PRKG2: variants seen among roughly 807,000 people sequenced by gnomAD.
The protein encoded by PRKG2 is protein kinase cGMP-dependent 2.
Under a neutral mutation model 97.2 loss-of-function variants are expected in PRKG2, and 33 were observed. The ratio of observed to expected loss-of-function variants is 0.34; its 90% CI spans 0.26 to 0.45. The LOEUF is 0.45. Among genes scored for constraint, PRKG2 ranks in the 20% least tolerant of loss-of-function variants. PRKG2 has a pLI of 1.00. For synonymous variants in PRKG2, 330 were observed against 321.8 expected (o/e 1.03, Z -0.27); for missense variants, 638 against 900.0 (o/e 0.71, Z 3.73).
At chr4:81,167,343 C>A (rs1446646013) in intron 5 of PRKG2, 119 bp from the exon 6 acceptor site, 6 of 578,162 alleles carry the variant, frequency 1.0e-5, no homozygotes, top group Non-Finnish European at 1.4e-5. Flanking sequence ...TTGATTCTTC[C>A]AAAGTAAATG....
At chr4:81,197,271 A>G (rs559647163) in intron 2 of PRKG2, among the ~76,000 whole-genome samples, 10 of 151,564 alleles carry the variant, frequency 6.6e-5, no homozygotes, top group African/African-American at 2.4e-4. Flanking sequence ...TTGAGAAAAG[A>G]AAAAAAAAGG....
intron 15 of PRKG2, among the ~76,000 whole-genome samples, chr4:81,107,125 A>AAG (rs1395555996): frequency 6.6e-6 from 1 of 152,222 alleles, no homozygotes; most frequent in African/African-American, 2.4e-5. Context: ...GCCTTGTTGC[A>AAG]GTTATTTCCT....
At chr4:81,156,029 C>T (rs1749058530) in intron 6 of PRKG2, among the ~76,000 whole-genome samples, 1 of 151,652 alleles carries the variant, frequency 6.6e-6, no homozygotes, top group Non-Finnish European at 1.5e-5. Context: ...AACTAACGAG[C>T]AAAATAACCA....
chr4:81,188,203 G>T (rs2110107085), intron 2 of PRKG2, among the ~76,000 whole-genome samples: 1 of 151,772 alleles, frequency 6.6e-6, no homozygotes, highest in South Asian at 2.1e-4. Flanking sequence ...CCATCAAACA[G>T]TGGGTGAAGG....
At position 81,089,426 on chromosome 4, in the gene PRKG2, TTTAACA is replaced by T. The variant is rs1741329811; in HGVS notation, c.*276_*281del. ...AATAGATTGCAGAAAAAACTGCCAC[TTTAACA>T]AAAATGGCTCTGATTGTGGAAAGGA... is the stretch of plus-strand genomic sequence containing the variant. On this transcript the variant is annotated 3_prime_UTR_variant, in exon 19 of 19. Coordinates refer to ENST00000264399, the MANE Select transcript of PRKG2 (RefSeq NM_006259.3). 2 of 290,986 alleles carry T rather than the reference TTTAACA, an allele frequency of 6.9e-6. No homozygotes were observed. The highest frequency in any genetic ancestry group is 2.2e-5 in the African/African-American group (1 of 45,976). The allele number at this position is 290,986 out of a possible 1,614,324, so 18.0% of individuals were successfully genotyped here.
intron 6 of PRKG2, among the ~76,000 whole-genome samples, chr4:81,157,145 G>C (rs1429731044): frequency 2.0e-5 from 3 of 152,040 alleles, no homozygotes; most frequent in Non-Finnish European, 4.4e-5. Flanking sequence ...CCAGGAGCTG[G>C]TTTTTTGAAA....
chr4:81,207,954 G>A (rs187552961), intron 1 of PRKG2, among the ~76,000 whole-genome samples: 1 of 152,178 alleles, frequency 6.6e-6, no homozygotes, highest in East Asian at 1.9e-4. Context: ...TGTATTGCTA[G>A]CCACAAGGAG....
intron 6 of PRKG2, among the ~76,000 whole-genome samples, chr4:81,160,877 T>C (rs1325761778): frequency 6.6e-6 from 1 of 152,158 alleles, no homozygotes; most frequent in Non-Finnish European, 1.5e-5. Flanking sequence ...AAACAAAGGA[T>C]AGATTAAACT....
At chr4:81,149,037 T>G (rs1286242631) in intron 8 of PRKG2, 85 bp from the exon 9 acceptor site, 1 of 1,273,958 alleles carries the variant, frequency 7.8e-7, no homozygotes, top group African/African-American at 1.5e-5. Context: ...TAACTTTGTA[T>G]GAAAACACCA....
Position 81,137,474 on chromosome 4 carries a change from C to G in PRKG2, c.1553G>C (p.Arg518Pro). 6.2e-7 allele frequency: 1 copy of G among 1,607,752 alleles called. No individual in the cohort carries two copies. Among genetic ancestry groups the G allele is most frequent in the Non-Finnish European group, 8.5e-7 (1 of 1,174,700 alleles). Reference protein sequence around the residue: ...LCSPFIVKLYRTFKDNKYVYM... With the variant: ...LCSPFIVKLYPTFKDNKYVYM... ...TACATACTTATTGTCCTTGAAAGTA[C>G]GATATAATCTGTGAAGACAGATAAA... The change falls in exon 13 of 19, where the codon CGT (arginine) becomes CCT (proline). Residue 518 changes from arginine to proline, a missense_variant. Arg to Pro is a moderately radical substitution (Grantham distance 103). This residue lies in a region of PRKG2 where 304 missense variants were observed against 460.5 expected (regional missense o/e 0.66). Transcript: ENST00000264399.
At chr4:81,153,365 T>C (rs1240909511) in intron 7 of PRKG2, 1 of 270,396 alleles carries the variant, frequency 3.7e-6, no homozygotes, top group African/African-American at 2.2e-5. Flanking sequence ...AGGGACCTTA[T>C]AAATAATCCA....
In PRKG2 at chr4:81,152,075, C is replaced by T. The variant is rs773484276; in HGVS notation, c.991-21G>A. 37 of 1,560,050 alleles carry T rather than the reference C, an allele frequency of 2.4e-5. No individual in the cohort carries two copies. The Admixed American group carries it at 3.0e-4, about 13-fold the overall frequency. The stretch of plus-strand genomic sequence containing the variant: ...TTTACCTAAACAATGTTAAGCAATA[C>T]AAACAGAAAGAGACTGAAGAAAAAG... On this transcript the variant is annotated intron_variant, in intron 7 of 18. Transcript: ENST00000264399.
At chr4:81,149,034 G>A in intron 8 of PRKG2, 82 bp from the exon 9 acceptor site, 1 of 1,305,412 alleles carries the variant, frequency 7.7e-7, no homozygotes, top group South Asian at 1.2e-5. Context: ...TACTAACTTT[G>A]TATGAAAACA....
intron 14 of PRKG2, among the ~76,000 whole-genome samples, chr4:81,122,197 T>C (rs1449165695): frequency 1.3e-5 from 2 of 152,192 alleles, no homozygotes; most frequent in African/African-American, 2.4e-5. Context: ...AAAGTGGGCT[T>C]TCTTTTAAAT....
At chr4:81,107,104 A>G (rs17005055) in intron 15 of PRKG2, among the ~76,000 whole-genome samples, 5,700 of 152,278 alleles carry the variant, frequency 0.037, 376 homozygotes, top group African/African-American at 0.13. Flanking sequence ...GAATGATGCT[A>G]AAGTGTTTTG....
chr4:81,189,620 G>A (rs56738684), intron 2 of PRKG2, among the ~76,000 whole-genome samples: 11,065 of 148,750 alleles, frequency 0.074, 1,060 homozygotes, highest in African/African-American at 0.22. Flanking sequence ...GTGGGGTAGA[G>A]GGAGTGGGGA....
At chr4:81,109,235 T>C (rs1029334645) in intron 15 of PRKG2, among the ~76,000 whole-genome samples, 1 of 152,218 alleles carries the variant, frequency 6.6e-6, no homozygotes, top group African/African-American at 2.4e-5. Flanking sequence ...CCACAGATAG[T>C]CTAACACTGA....
In PRKG2 at chr4:81,142,909, G is replaced by A. The variant is rs537692247; in HGVS notation, c.1292C>T (p.Ser431Phe). ...CTCCTTCAGCTGAATCATTTCCAGA[G>A]AGAGTGCTTTGGACAGCTTCCAGTT... Reference protein sequence around the residue: ...MSNWKLSKALSLEMIQLKEKV... With the variant: ...MSNWKLSKALFLEMIQLKEKV... Residue 431 changes from serine (S) to phenylalanine (F), a missense_variant, in exon 11 of 19, where the codon TCT becomes TTT. Ser to Phe is a radical substitution (Grantham distance 155, BLOSUM62 -2). This residue lies in a region of PRKG2 where 304 missense variants were observed against 460.5 expected (regional missense o/e 0.66). Transcript: ENST00000264399. The A allele has an allele frequency of 1.2e-6, 2 of 1,613,386 alleles. No homozygotes were observed. Among genetic ancestry groups the A allele is most frequent in the Admixed American group, 1.7e-5 (1 of 60,004 alleles).
chr4:81,194,625 T>C (rs1752830844), intron 2 of PRKG2, among the ~76,000 whole-genome samples: 1 of 152,212 alleles, frequency 6.6e-6, no homozygotes, highest in Admixed American at 6.5e-5. Context: ...TAAGTTTGTG[T>C]AGATGATTTT....
Sources: gnomAD v4.1 joint callset for allele counts (sites outside exome capture counted in the v4.1 genomes callset) on GRCh38, gnomAD v4.1.1 for gene constraint, gnomAD v4.1.1 regional missense constraint, MANE v1.5 for transcripts, NCBI Gene and HGNC (gene_info 2026-07-23, HGNC 2026-07-21) for gene names.